Variants in RELN observed in about 807,000 individuals in gnomAD.
RELN encodes the protein reelin.
In RELN, 108 loss-of-function variants were observed where a neutral mutation model predicts 427.6. The ratio of observed to expected loss-of-function variants is 0.25; its 90% CI spans 0.22 to 0.30. The LOEUF (loss-of-function observed/expected upper bound fraction) is 0.30, where lower values mean the gene tolerates loss of function less well. Among genes scored for constraint, RELN ranks in the 10% least tolerant of loss-of-function variants. The pLI, the probability that RELN is intolerant of heterozygous loss-of-function variation, is 1.00. For missense variants in RELN, 3,715 were observed against 4,302.8 expected, an observed-to-expected ratio of 0.86 and a Z score of 3.82; for synonymous variants, 1,524 against 1,513.4, an observed-to-expected ratio of 1.01 and a Z score of -0.16.
At chr7:103,577,209 T>C (rs1175330591) in intron 28 of RELN, among the ~76,000 whole-genome samples, 1 of 152,220 alleles carries the variant, frequency 6.6e-6, no homozygotes, top group South Asian at 2.1e-4. Context: ...CCCTCTATTA[T>C]TGTGAGGATA....
chr7:103,606,917 A>T (rs1465246211), intron 22 of RELN, among the ~76,000 whole-genome samples: 1 of 152,050 alleles, frequency 6.6e-6, no homozygotes, highest in East Asian at 1.9e-4. Flanking sequence ...ACCTATGAGT[A>T]AGAACATGCG....
chr7:103,963,463 T>C (rs1796602661), intron 1 of RELN, among the ~76,000 whole-genome samples: 1 of 152,224 alleles, frequency 6.6e-6, no homozygotes, highest in African/African-American at 2.4e-5. Context: ...TTATCTATGT[T>C]ATTTATCAAA....
At chr7:103,806,385 C>T (rs940269661) in intron 3 of RELN, among the ~76,000 whole-genome samples, 3 of 152,010 alleles carry the variant, frequency 2.0e-5, no homozygotes, top group Non-Finnish European at 4.4e-5. Context: ...AATGCAATGG[C>T]GTGATCTCAG....
intron 51 of RELN, among the ~76,000 whole-genome samples, chr7:103,503,711 C>T (rs1020119086): frequency 1.3e-5 from 2 of 152,070 alleles, no homozygotes; most frequent in Non-Finnish European, 2.9e-5. Context: ...CAGCACCCTT[C>T]GTTGATGGTG....
intron 1 of RELN, among the ~76,000 whole-genome samples, chr7:103,942,804 C>T (rs952332297): frequency 1.3e-5 from 2 of 151,938 alleles, no homozygotes; most frequent in Non-Finnish European, 2.9e-5. Flanking sequence ...CCCCGCTACT[C>T]AGGAGGCTGA....
At chr7:103,491,052 G>A (rs905059143) in intron 58 of RELN, among the ~76,000 whole-genome samples, 7 of 152,126 alleles carry the variant, frequency 4.6e-5, no homozygotes, top group Non-Finnish European at 8.8e-5. Flanking sequence ...TAAAATAATA[G>A]CATGCATAGC....
intron 1 of RELN, among the ~76,000 whole-genome samples, chr7:103,930,414 AG>A (rs1166914078): frequency 1.4e-5 from 1 of 73,316 alleles, no homozygotes; most frequent in African/African-American, 5.3e-5. Flanking sequence ...TATGAATGGC[AG>A]GGGGTTGTGG....
At chr7:103,807,404 G>A (rs1014811322) in intron 3 of RELN, among the ~76,000 whole-genome samples, 2 of 152,122 alleles carry the variant, frequency 1.3e-5, no homozygotes, top group Non-Finnish European at 2.9e-5. Flanking sequence ...AGATGAGACT[G>A]AAAACAGACA....
chr7:103,955,566 C>G (rs1048794197), intron 1 of RELN, among the ~76,000 whole-genome samples: 1 of 152,112 alleles, frequency 6.6e-6, no homozygotes, highest in Non-Finnish European at 1.5e-5. Flanking sequence ...CTGCTAGTAT[C>G]CCTCTGATTA....
intron 1 of RELN, among the ~76,000 whole-genome samples, chr7:103,962,848 T>G (rs145746009): frequency 7.2e-4 from 110 of 152,290 alleles, no homozygotes; most frequent in African/African-American, 2.6e-3. Context: ...AGAAAACTAT[T>G]ATGAGTTTAG....
intron 8 of RELN, among the ~76,000 whole-genome samples, chr7:103,705,086 T>G (rs867039227): frequency 3.3e-5 from 5 of 152,284 alleles, no homozygotes; most frequent in Middle Eastern, 3.4e-3. Flanking sequence ...TTCCTCTTAC[T>G]CTCAAATATT....
chr7:103,944,287 G>C (rs537460960), intron 1 of RELN, among the ~76,000 whole-genome samples: 1 of 152,104 alleles, frequency 6.6e-6, no homozygotes, highest in Admixed American at 6.6e-5. Flanking sequence ...GAGGACAGTA[G>C]GTGAACAGTG....
chr7:103,738,879 C>T lies in RELN; in HGVS notation c.656+10547G>A, dbSNP rs147765032. Among the ~76,000 whole-genome samples the T allele has an allele frequency of 3.1e-3, 468 of 152,058 alleles. 1 individual carries two copies. The highest frequency in any genetic ancestry group is 4.5e-3 in the Non-Finnish European group (307 of 67,968). ...TGTATTTTTCATAGAGACAGGGTTT[C>T]ACCACGTTGGCCAGGATGGTCTTGA... On this transcript the variant is annotated intron_variant, in intron 6 of 64. Transcript: ENST00000428762.
At chr7:103,565,689 C>A (rs1206165104) in intron 33 of RELN, 138 bp from the exon 34 acceptor site, 1 of 782,798 alleles carries the variant, frequency 1.3e-6, no homozygotes. Flanking sequence ...TTTGACTTTT[C>A]TTCTTATATT....
chr7:103,667,730 G>A (rs1485329264), intron 11 of RELN, among the ~76,000 whole-genome samples: 1 of 152,138 alleles, frequency 6.6e-6, no homozygotes, highest in Non-Finnish European at 1.5e-5. Flanking sequence ...TAGGTAAAAT[G>A]TTTAATCATT....
intron 2 of RELN, among the ~76,000 whole-genome samples, chr7:103,868,948 C>A (rs1386143463): frequency 6.6e-6 from 1 of 152,068 alleles, no homozygotes; most frequent in Non-Finnish European, 1.5e-5. Context: ...AATTAAAATG[C>A]ACTTCTTGTG....
intron 3 of RELN, among the ~76,000 whole-genome samples, chr7:103,818,221 G>C (rs78097787): frequency 0.01 from 1,584 of 152,210 alleles, 29 homozygotes; most frequent in African/African-American, 0.036. Flanking sequence ...TAGTTGCAAG[G>C]CTATGCATTC....
At chr7:103,562,022 T>C in intron 34 of RELN, 69 bp from the exon 35 acceptor site, 9 of 1,543,924 alleles carry the variant, frequency 5.8e-6, no homozygotes, top group Non-Finnish European at 7.9e-6. Flanking sequence ...ACAAGGACAT[T>C]TATTTTAATT....
intron 29 of RELN, among the ~76,000 whole-genome samples, 196 bp from the exon 30 acceptor site, chr7:103,574,495 T>C (rs3025948): frequency 1.3e-3 from 203 of 152,340 alleles, no homozygotes; most frequent in African/African-American, 4.7e-3. Flanking sequence ...ATTCTGCCTC[T>C]GTAAATTTTT....
Sources: gnomAD v4.1 joint callset for allele counts (sites outside exome capture counted in the v4.1 genomes callset) on GRCh38, gnomAD v4.1.1 for gene constraint, MANE v1.5 for transcripts, NCBI Gene and HGNC (gene_info 2026-07-23, HGNC 2026-07-21) for gene names.